The following ASPM variants were observed in gnomAD, a reference collection of about 807,000 sequenced individuals.
The protein encoded by ASPM is abnormal spindle-like microcephaly-associated protein.
Under a neutral mutation model 366.4 loss-of-function variants are expected in ASPM, and 256 were observed. That is an observed-to-expected ratio of 0.70 (90% confidence interval 0.63 to 0.77). The LOEUF (loss-of-function observed/expected upper bound fraction) is 0.77. Ranked by LOEUF, ASPM falls within the 30% of genes least tolerant of loss-of-function variation. The pLI, the probability that ASPM is intolerant of heterozygous loss-of-function variation, is 0.00. For synonymous variants in ASPM, 1,414 were observed against 1,342.9 expected (o/e 1.05, Z -1.16); for missense variants, 4,146 against 4,090.4 (o/e 1.01, Z -0.37).
At position 197,104,943 on chromosome 1, in the gene ASPM, T is replaced by A; in HGVS notation, c.4308A>T (p.Gln1436His). 1 of 1,612,298 alleles carries A rather than the reference T, an allele frequency of 6.2e-7. No individual in the cohort carries two copies. The highest frequency in any genetic ancestry group is 1.7e-4 in the Middle Eastern group (1 of 6,044). The part of the protein sequence containing the change: ...IIQSMFRKWK[Q>H]RKMQSQVKAT... The stretch of plus-strand genomic sequence containing the variant: ...CTTTTACTTGTGATTGCATTTTACG[T>A]TGCTTCCATTTTCTGAACATAGATT... Residue 1436 changes from glutamine to histidine, a missense_variant, in exon 18 of 28, where the codon CAA (glutamine) becomes CAT (histidine). Physicochemically the swap from Gln to His is conservative, Grantham distance 24 (BLOSUM62 0). This residue lies in a region of ASPM where 3,624 missense variants were observed against 3,591.7 expected (regional missense o/e 1.01). Transcript: ENST00000367409.
chr1:197,090,738 C>A, intron 23 of ASPM, 112 bp downstream of exon 23: 2 of 968,798 alleles, frequency 2.1e-6, no homozygotes, highest in Non-Finnish European at 3.2e-6. Flanking sequence ...GTTATTCTAC[C>A]GGCTAATGCG....
At chr1:197,135,768 T>C (rs766934397) in intron 4 of ASPM, among the ~76,000 whole-genome samples, 1 of 151,246 alleles carries the variant, frequency 6.6e-6, no homozygotes, top group Non-Finnish European at 1.5e-5. Flanking sequence ...CTGGGCAACA[T>C]GGCAAAACCC....
chr1:197,094,050 G>A (rs770585224), intron 20 of ASPM, 34 bp downstream of exon 20: 1 of 1,225,918 alleles, frequency 8.2e-7, no homozygotes, highest in Non-Finnish European at 1.2e-6. Flanking sequence ...TCCTAAAGTA[G>A]TTATTTGCAA....
At chr1:197,140,705 T>G (rs1658553593) in intron 3 of ASPM, among the ~76,000 whole-genome samples, 1 of 152,148 alleles carries the variant, frequency 6.6e-6, no homozygotes, top group African/African-American at 2.4e-5. Context: ...CTCATTTATA[T>G]TTAAGAAAAC....
intron 10 of ASPM, among the ~76,000 whole-genome samples, chr1:197,126,925 G>A (rs978550607): frequency 1.7e-4 from 26 of 152,070 alleles, no homozygotes; most frequent in African/African-American, 5.8e-4. Flanking sequence ...ATAAAGACAC[G>A]TCTGAATATT....
chr1:197,121,181 T>C (rs939314259), intron 16 of ASPM, among the ~76,000 whole-genome samples: 2 of 152,106 alleles, frequency 1.3e-5, no homozygotes, highest in Admixed American at 1.3e-4. Flanking sequence ...AGTTAGTAGA[T>C]GGAATAGGGT....
intron 23 of ASPM, 136 bp from the exon 24 acceptor site, chr1:197,090,524 G>A: frequency 1.3e-6 from 1 of 796,886 alleles, no homozygotes; most frequent in South Asian, 1.9e-5. Context: ...AAAATCTCAA[G>A]TTCAAATAAA....
Position 197,093,175 on chromosome 1 carries a change from C to T in ASPM, c.9171G>A (p.Leu3057=). 6.2e-7 allele frequency: 1 copy of T among 1,612,594 alleles called. No individual in the cohort carries two copies. Among genetic ancestry groups the T allele is most frequent in the Non-Finnish European group, 8.5e-7 (1 of 1,179,034 alleles). ...TGGCTCGTATATATTTTTGTATGAT[C>T]AAAGCAGCAGATTTCTGCCGAAGAA... ...QVFLRQKSAA[L]IIQKYIRARE... Residue 3057 remains leucine (L), a synonymous_variant, in exon 21 of 28, where the codon TTG becomes TTA. Transcript: ENST00000367409.
chr1:197,094,555 G>A (rs184067390), intron 19 of ASPM, among the ~76,000 whole-genome samples: 96 of 151,896 alleles, frequency 6.3e-4, no homozygotes, highest in Admixed American at 1.1e-3. Context: ...TGGCAAGTGA[G>A]TCTTTGAGCA....
Position 197,100,712 on chromosome 1 carries a change from G to C in ASPM, c.8539C>G (p.Leu2847Val), listed in dbSNP as rs199575079. ...CTTCTCCGATACACAGCCATCTGAA[G>C]GAAGAACTGAATCCGTAGGGCAGCA... is the stretch of plus-strand genomic sequence containing the variant. ...KCAALRIQFF[L>V]QMAVYRRRFV... Residue 2847 changes from leucine (L) to valine (V), a missense_variant, in exon 18 of 28, where the codon CTT becomes GTT. Leu to Val is a conservative substitution (Grantham distance 32). Around this residue, in one of 3 missense-constraint regions of ASPM, gnomAD observed 3,624 missense variants for 3,591.7 expected, o/e 1.01. Coordinates refer to ENST00000367409, the MANE Select transcript of ASPM (RefSeq NM_018136.5). 6.6e-5 allele frequency: 106 copies of C among 1,612,254 alleles called. No homozygotes were observed. Among genetic ancestry groups the C allele is most frequent in the Admixed American group, 1.3e-4 (8 of 59,722 alleles).
chr1:197,101,856 C>T lies in ASPM; in HGVS notation c.7395G>A (p.Gln2465=), dbSNP rs1486808115. The change falls in exon 18 of 28, where the codon CAG becomes CAA. Residue 2465 remains glutamine (Q), a synonymous_variant. Transcript: ENST00000367409. ...LHLRKAAITI[Q]SSYRRLMVKK... is the part of the protein sequence containing the mutation. The stretch of plus-strand genomic sequence containing the variant: ...TTACCATCAGTCTTCTGTAAGATGA[C>T]TGTATTGTAATGGCTGCCTTTCTTA... The T allele has an allele frequency of 1.9e-6, 3 of 1,612,796 alleles. No homozygotes were observed. Among genetic ancestry groups the T allele is most frequent in the Non-Finnish European group, 2.5e-6 (3 of 1,179,304 alleles).
At chr1:197,137,621 C>T (rs1286913674) in intron 4 of ASPM, among the ~76,000 whole-genome samples, 2 of 152,124 alleles carry the variant, frequency 1.3e-5, no homozygotes, top group South Asian at 2.1e-4. Flanking sequence ...GCAGGGACTA[C>T]AGGTGCACAC....
At position 197,138,752 on chromosome 1, in the gene ASPM, T is replaced by G; in HGVS notation, c.2026+1015A>C. 4.2e-6 allele frequency: 3 copies of G among 719,214 alleles called. 1 individual carries two copies. In the South Asian group the frequency reaches 4.3e-5, roughly 10 times the overall value. 44.6% of individuals were successfully genotyped at this position (719,214 alleles called of 1,614,324 possible). A position where few individuals can be genotyped will look rare whatever the true frequency, so the allele number is the denominator to read the frequency against. ...ACAGAAAATTAAGAGAAACGATTAT[T>G]TCTTACGATGTTTGTCTTTCTTTGT... On this transcript the variant is annotated intron_variant, in intron 4 of 27. Transcript: ENST00000367409.
chr1:197,103,953 C>T lies in ASPM; in HGVS notation c.5298G>A (p.Lys1766=), dbSNP rs1417231335. The change falls in exon 18 of 28, where the codon AAG becomes AAA. Residue 1766 remains lysine (K), a synonymous_variant. Coordinates refer to ENST00000367409, the MANE Select transcript of ASPM (RefSeq NM_018136.5). ...ISLQSYFRMR[K]ARQYYLKMYK... ...ACATTTTCAGATAATACTGCCGAGC[C>T]TTTCTCATTCTGAAATAAGACTGTA... is the stretch of plus-strand genomic sequence containing the variant. 6.2e-7 allele frequency: 1 copy of T among 1,612,382 alleles called. No homozygotes were observed. The highest frequency in any genetic ancestry group is 1.3e-5 in the African/African-American group (1 of 74,798).
chr1:197,084,170 A>G lies in ASPM; in HGVS notation c.*154T>C. The G allele has an allele frequency of 1.6e-6, 1 of 625,910 alleles. No individual in the cohort carries two copies. The highest frequency in any genetic ancestry group is 2.0e-5 in the South Asian group (1 of 51,042). 38.8% of individuals were successfully genotyped at this position (625,910 alleles called of 1,614,324 possible). ...GTTTATTACATGCATAAAACTATAA[A>G]TGATAAAAATGAAGAATGTAATGAA... On this transcript the variant is annotated 3_prime_UTR_variant, in exon 28 of 28. Transcript: ENST00000367409.
Position 197,093,060 on chromosome 1 carries a change from G to A in ASPM, c.9286C>T (p.Arg3096Ter), listed in dbSNP as rs774143329. Residue 3096 changes from arginine (R) to a stop codon, truncating the protein, a stop_gained, in exon 21 of 28, where the codon CGA becomes TGA. Coordinates refer to ENST00000367409, the MANE Select transcript of ASPM (RefSeq NM_018136.5). LOFTEE classifies it high-confidence loss of function. Reference sequence around the variant, plus strand: ...TACTTGAAAATACTTACTCTTTTTCGTACTAGCCAACCACGCACCAGTGCT... The same window carrying A: ...TACTTGAAAATACTTACTCTTTTTCATACTAGCCAACCACGCACCAGTGCT... ...LQALVRGWLV[R>*]KRFLEQRAKI... is the part of the protein sequence containing the mutation. 12 of 1,605,914 alleles carry A rather than the reference G, an allele frequency of 7.5e-6. No homozygotes were observed. The highest frequency in any genetic ancestry group is 1.7e-5 in the Admixed American group (1 of 59,768).
rs112214972 is a variant in ASPM at position 197,091,290 on chromosome 1, C to T, written c.9445-249G>A. On this transcript the variant is annotated intron_variant, in intron 22 of 27. Transcript: ENST00000367409. ...TATATTTAATCCTGGACAACAATGT[C>T]TTCATTTTACAATTCTACCAAACTG... 8.7e-3 allele frequency among the ~76,000 whole-genome samples: 1,322 copies of T among 151,932 alleles called. 16 individuals carry two copies. The highest frequency in any genetic ancestry group is 0.028 in the African/African-American group (1,168 of 41,462).
chr1:197,137,053 A>G (rs1325963436), intron 4 of ASPM, among the ~76,000 whole-genome samples: 1 of 152,156 alleles, frequency 6.6e-6, no homozygotes, highest in Non-Finnish European at 1.5e-5. Flanking sequence ...CAGCAGAGTG[A>G]TAATTTTTAT....
At chr1:197,139,130 TTTTTCTTTTAGA>T (rs1658505220) in intron 4 of ASPM, 1 of 839,814 alleles carries the variant, frequency 1.2e-6, no homozygotes, top group Non-Finnish European at 2.1e-6. Flanking sequence ...TGAGTGTAGG[TTTTTCTTTTAGA>T]TTTTCCACAT....
Sources: gnomAD v4.1 joint callset for allele counts (sites outside exome capture counted in the v4.1 genomes callset) on GRCh38, gnomAD v4.1.1 for gene constraint, gnomAD v4.1.1 regional missense constraint, MANE v1.5 for transcripts, NCBI Gene and HGNC (gene_info 2026-07-23, HGNC 2026-07-21) for gene names.